ADCY3: variants seen among roughly 807,000 people sequenced by gnomAD.
ADCY3 encodes the protein adenylate cyclase 3.
ADCY3 carries 70 observed loss-of-function variants against 119.4 expected under a neutral mutation model. The observed-to-expected ratio is 0.59, with a 90% CI of 0.48 to 0.72. ADCY3 has a LOEUF of 0.72. Among genes scored for constraint, ADCY3 ranks in the 30% least tolerant of loss-of-function variants. The pLI is 0.00. For synonymous variants in ADCY3, 672 were observed against 621.4 expected, an observed-to-expected ratio of 1.08 and a Z score of -1.21; for missense variants, 1,238 against 1,541.6, an observed-to-expected ratio of 0.80 and a Z score of 3.30.
intron 2 of ADCY3, among the ~76,000 whole-genome samples, chr2:24,885,377 T>G (rs1324441416): frequency 6.6e-6 from 1 of 152,138 alleles, no homozygotes; most frequent in South Asian, 2.1e-4. Flanking sequence ...ACACCCAAGC[T>G]TGTCATGGTC....
At chr2:24,894,242 C>T (rs182815697) in intron 2 of ADCY3, among the ~76,000 whole-genome samples, 19 of 152,260 alleles carry the variant, frequency 1.2e-4, no homozygotes, top group Non-Finnish European at 2.1e-4. Flanking sequence ...CAGCCCTCTG[C>T]GAGGCCATGG....
chr2:24,876,082 T>A (rs1448126603), intron 2 of ADCY3, among the ~76,000 whole-genome samples: 2 of 151,888 alleles, frequency 1.3e-5, no homozygotes, highest in East Asian at 3.9e-4. Flanking sequence ...AGCCTCAAAC[T>A]CCTGAGCTCA....
rs771317666 is a variant in ADCY3 at position 24,841,648 on chromosome 2, C to T, written c.976G>A (p.Val326Met). The T allele has an allele frequency of 9.3e-6, 15 of 1,613,416 alleles. No individual in the cohort carries two copies. Among genetic ancestry groups the T allele is most frequent in the East Asian group, 2.2e-5 (1 of 44,880 alleles). ...ENVSILFADIVGFTQLSSACS... is the reference protein window; with the variant it reads ...ENVSILFADIMGFTQLSSACS... ...GCAGAAGACAGCTGGGTAAAGCCCA[C>T]GATGTCGGCAAAGAGGATGCTGCAT... The change falls in exon 5 of 22, where the codon GTG becomes ATG. Residue 326 changes from valine (V) to methionine (M), a missense_variant. Coordinates refer to ENST00000679454, the MANE Select transcript of ADCY3 (RefSeq NM_004036.5). The surrounding 1 kb of genome is among the most constrained non-coding windows in gnomAD (Gnocchi z 5.8).
intron 3 of ADCY3, among the ~76,000 whole-genome samples, chr2:24,848,918 G>C (rs79990615): frequency 0.059 from 8,910 of 152,270 alleles, 348 homozygotes; most frequent in East Asian, 0.089. Flanking sequence ...GGACAACAAA[G>C]GGATACAAGG....
At chr2:24,844,480 G>A (rs998253638) in intron 3 of ADCY3, among the ~76,000 whole-genome samples, 6 of 152,148 alleles carry the variant, frequency 3.9e-5, no homozygotes, top group African/African-American at 1.4e-4. Context: ...TGACTCTGCT[G>A]AGTTCAGGGG....
intron 3 of ADCY3, among the ~76,000 whole-genome samples, chr2:24,848,915 A>G (rs1671962248): frequency 6.6e-6 from 1 of 152,202 alleles, no homozygotes; most frequent in Non-Finnish European, 1.5e-5. Flanking sequence ...GTGGGACAAC[A>G]AAGGGATACA....
chr2:24,830,739 G>A lies in ADCY3; in HGVS notation c.2142C>T (p.Phe714=). 6.2e-7 allele frequency: 1 copy of A among 1,614,100 alleles called. No individual in the cohort carries two copies. Among genetic ancestry groups the A allele is most frequent in the African/African-American group, 1.3e-5 (1 of 75,050 alleles). The change falls in exon 13 of 22, where the codon TTC becomes TTT. Residue 714 remains phenylalanine (F), a synonymous_variant. Transcript: ENST00000679454. The part of the protein sequence containing the change: ...ARNTWAMLAI[F]ILVMANVVDM... ...CCACGACATTTGCCATCACCAGGAT[G>A]AAGATGGCGAGCATGGCCCAGGTGT...
chr2:24,831,865 GCAGGGGA>G (rs1334328111), intron 11 of ADCY3, 116 bp from the exon 12 acceptor site: 2 of 404,598 alleles, frequency 4.9e-6, no homozygotes, highest in Non-Finnish European at 9.0e-6. Context: ...CGGACAGGGG[GCAGGGGA>G]CAGTGGACAG....
chr2:24,822,287 AG>A (rs1349387752), intron 19 of ADCY3: 14 of 532,368 alleles, frequency 2.6e-5, no homozygotes, highest in Non-Finnish European at 3.9e-5. Context: ...CAACCATCTT[AG>A]GCCTGAGCTG....
chr2:24,838,235 C>G (rs1049747404), intron 8 of ADCY3, among the ~76,000 whole-genome samples: 2 of 152,076 alleles, frequency 1.3e-5, no homozygotes, highest in African/African-American at 4.8e-5. Context: ...TCAGTCACCT[C>G]CATTGCAACC....
intron 7 of ADCY3, 132 bp from the exon 8 acceptor site, chr2:24,838,754 C>A: frequency 6.3e-7 from 1 of 1,583,770 alleles, no homozygotes; most frequent in Non-Finnish European, 8.6e-7. Flanking sequence ...GGGCAGAGGC[C>A]AAGTGGAGGC....
chr2:24,872,832 C>T lies in ADCY3; in HGVS notation c.676-113G>A. Reference sequence around the variant, plus strand: ...GTGGGTGGTGACCAAAATCAAACCTCAAGTTGCCCAATGTCCAGGGAGGGG... The same window carrying T: ...GTGGGTGGTGACCAAAATCAAACCTTAAGTTGCCCAATGTCCAGGGAGGGG... On this transcript the variant is annotated intron_variant, in intron 2 of 21. Transcript: ENST00000679454. This position sits in a 1 kb window ranked among gnomAD's most constrained non-coding sequence, Gnocchi z 4.4. The T allele has an allele frequency of 7.7e-7, 1 of 1,290,612 alleles. No individual in the cohort carries two copies. The highest frequency in any genetic ancestry group is 1.1e-6 in the Non-Finnish European group (1 of 931,036). 79.9% of individuals were successfully genotyped at this position (1,290,612 alleles called of 1,614,324 possible).
rs1434016965 is a variant in ADCY3, at chr2:24,898,689, ACC to A, written c.675+19622_675+19623del. ...GAGCAGAAGCCACAGGTCCCAGGAA[ACC>A]GCACAGCTCCCGGCTCCAGGTCTCT... On this transcript the variant is annotated intron_variant, in intron 2 of 21. Coordinates refer to ENST00000679454, the MANE Select transcript of ADCY3 (RefSeq NM_004036.5). This position sits in a 1 kb window ranked among gnomAD's most constrained non-coding sequence, Gnocchi z 4.3. Among the ~76,000 whole-genome samples, 1 of 152,058 alleles carries A rather than the reference ACC, an allele frequency of 6.6e-6. No individual in the cohort carries two copies. Among genetic ancestry groups the A allele is most frequent in the African/African-American group, 2.4e-5 (1 of 41,404 alleles).
chr2:24,842,500 T>TCAC lies in ADCY3; in HGVS notation c.826-117_826-116insGTG. On this transcript the variant is annotated intron_variant, in intron 3 of 21. Coordinates refer to ENST00000679454, the MANE Select transcript of ADCY3 (RefSeq NM_004036.5). The surrounding 1 kb of genome is among the most constrained non-coding windows in gnomAD (Gnocchi z 4.9). ...AAGAAACGTGAGCAGGGAACCATGC[T>TCAC]GCCCTCCAGAGAGACCTCACAGATC... 3 of 1,364,372 alleles carry TCAC rather than the reference T, an allele frequency of 2.2e-6. No individual in the cohort carries two copies. Among genetic ancestry groups the TCAC allele is most frequent in the Non-Finnish European group, 3.0e-6 (3 of 996,634 alleles). The allele number at this position is 1,364,372 out of a possible 1,614,324, so 84.5% of individuals were successfully genotyped here. A position where few individuals can be genotyped will look rare whatever the true frequency, so the allele number is the denominator to read the frequency against.
rs985831222 is a variant in ADCY3 at position 24,920,187 on chromosome 2, T to C, written c.-702A>G. On this transcript the variant is annotated 5_prime_UTR_variant, in exon 1 of 22. Transcript: ENST00000679454. The surrounding 1 kb of genome is among the most constrained non-coding windows in gnomAD (Gnocchi z 4.5). ...CCAGCCGAGTCCGGGCTCGGCGTGC[T>C]GCACAGCTATTCCCCGCGCGGCGCC... is the stretch of plus-strand genomic sequence containing the variant. Among the ~76,000 whole-genome samples the C allele has an allele frequency of 6.9e-6, 1 of 144,982 alleles. No homozygotes were observed. Among genetic ancestry groups the C allele is most frequent in the African/African-American group, 2.5e-5 (1 of 40,254 alleles).
At chr2:24,823,158 G>GTGGAA in intron 18 of ADCY3, 51 bp downstream of exon 18, 1 of 1,578,006 alleles carries the variant, frequency 6.3e-7, no homozygotes, top group African/African-American at 1.4e-5. Context: ...AGGATGTGAT[G>GTGGAA]TGGAATGGGC....
chr2:24,847,975 G>A (rs1025687825), intron 3 of ADCY3, among the ~76,000 whole-genome samples: 31 of 152,328 alleles, frequency 2.0e-4, no homozygotes, highest in East Asian at 3.9e-4. Context: ...TGAGGCTCGC[G>A]GGGCAGGAGG....
chr2:24,892,263 T>A (rs1450798052), intron 2 of ADCY3, among the ~76,000 whole-genome samples: 2 of 151,826 alleles, frequency 1.3e-5, no homozygotes, highest in Non-Finnish European at 2.9e-5. Flanking sequence ...CTTTTTTTTT[T>A]TTTGAGATGG....
Position 24,834,416 on chromosome 2 carries a change from T to TGGGGGGG in ADCY3, c.1967+68_1967+69insCCCCCCC. ...AATGTCAGGCTCCCGCTGAGACACCTGCCCCCGCCCCCCGCCCGGCACCAC... is the reference window on the plus strand; with the variant it reads ...AATGTCAGGCTCCCGCTGAGACACCTGGGGGGGGCCCCCGCCCCCCGCCCGGCACCAC... On this transcript the variant is annotated intron_variant, in intron 11 of 21. Coordinates refer to ENST00000679454, the MANE Select transcript of ADCY3 (RefSeq NM_004036.5). This position sits in a 1 kb window ranked among gnomAD's most constrained non-coding sequence, Gnocchi z 4.2. The TGGGGGGG allele has an allele frequency of 1.1e-6, 1 of 881,726 alleles. No homozygotes were observed. Among genetic ancestry groups the TGGGGGGG allele is most frequent in the Non-Finnish European group, 1.7e-6 (1 of 591,314 alleles). The allele number at this position is 881,726 out of a possible 1,614,324, so 54.6% of individuals were successfully genotyped here. A position where few individuals can be genotyped will look rare whatever the true frequency, so the allele number is the denominator to read the frequency against.
Sources: gnomAD v4.1 joint callset for allele counts (sites outside exome capture counted in the v4.1 genomes callset) on GRCh38, gnomAD v4.1.1 for gene constraint, Gnocchi (gnomAD v3.1) non-coding constraint, MANE v1.5 for transcripts, NCBI Gene and HGNC (gene_info 2026-07-23, HGNC 2026-07-21) for gene names.